VPS33A: variants seen among roughly 807,000 people sequenced by gnomAD.
VPS33A encodes vacuolar protein sorting-associated protein 33A.
Under a neutral mutation model 71.8 loss-of-function variants are expected in VPS33A, and 32 were observed. The observed-to-expected ratio is 0.45, with a 90% CI of 0.34 to 0.60. The LOEUF is 0.60. VPS33A is among the 20% of genes least tolerant of loss of function. VPS33A has a pLI of 0.02. For missense variants in VPS33A, 625 were observed against 748.5 expected (o/e 0.84, Z 1.92); for synonymous variants, 311 against 292.7 (o/e 1.06, Z -0.64).
chr12:122,264,166 A>G lies in VPS33A; in HGVS notation c.136T>C (p.Phe46Leu). ...AGTGAATACTGTGCAATCAGGCCAAAGGGTCCAGTTAGGTATTCATCCCAA... is the reference window on the plus strand; with the variant it reads ...AGTGAATACTGTGCAATCAGGCCAAGGGGTCCAGTTAGGTATTCATCCCAA... ...IVWDEYLTGP[F>L]GLIAQYSLLK... Residue 46 changes from phenylalanine to leucine, a missense_variant, in exon 2 of 13, where the codon TTT becomes CTT. Coordinates refer to ENST00000267199, the MANE Select transcript of VPS33A (RefSeq NM_022916.6). The G allele has an allele frequency of 6.4e-7, 1 of 1,562,826 alleles. No homozygotes were observed.
rs57522920 is a variant in VPS33A at position 122,238,770 on chromosome 12, TACACACACACAC to T, written c.1165-58_1165-47del. The T allele has an allele frequency of 2.7e-3, 2,338 of 872,750 alleles. 8 individuals carry two copies. Among genetic ancestry groups the T allele is most frequent in the African/African-American group, 0.02 (1,051 of 51,522 alleles). 54.1% of individuals were successfully genotyped at this position (872,750 alleles called of 1,614,324 possible). ...ATATACATATACATTTACATATACATACACACACACACACACACACACACACACACACACACA... is the reference window on the plus strand; with the variant it reads ...ATATACATATACATTTACATATACATACACACACACACACACACACACACA... On this transcript the variant is annotated intron_variant, in intron 9 of 12. Transcript: ENST00000267199.
At chr12:122,252,770 T>C (rs989414840) in intron 4 of VPS33A, 1 of 152,184 alleles carries the variant, frequency 6.6e-6, no homozygotes, top group Non-Finnish European at 1.5e-5. Flanking sequence ...TTTATTCATA[T>C]GTAGAAGGGA....
intron 11 of VPS33A, 55 bp downstream of exon 11, chr12:122,235,731 C>T: frequency 6.5e-7 from 1 of 1,541,384 alleles, no homozygotes; most frequent in South Asian, 1.3e-5. Flanking sequence ...TGTGTTGTCA[C>T]CTGGACGATC....
chr12:122,255,206 T>C (rs532895355), intron 4 of VPS33A, among the ~76,000 whole-genome samples: 64 of 152,208 alleles, frequency 4.2e-4, no homozygotes, highest in Non-Finnish European at 8.4e-4. Context: ...TATGGATTAA[T>C]TAAAAATGAG....
intron 9 of VPS33A, among the ~76,000 whole-genome samples, chr12:122,239,459 G>A (rs923572430): frequency 7.2e-5 from 11 of 152,008 alleles, no homozygotes; most frequent in African/African-American, 2.4e-4. Context: ...TAAGTGGCCG[G>A]GCGCAGTGAC....
intron 6 of VPS33A, among the ~76,000 whole-genome samples, chr12:122,245,639 T>C (rs1954767565): frequency 1.3e-5 from 2 of 152,250 alleles, no homozygotes; most frequent in East Asian, 1.9e-4. Context: ...AGAGACAGGG[T>C]TTCACCATGT....
At chr12:122,264,261 T>TA in intron 1 of VPS33A, 62 bp from the exon 2 acceptor site, 2 of 1,294,652 alleles carry the variant, frequency 1.5e-6, no homozygotes, top group East Asian at 2.4e-5. Flanking sequence ...ACAATACCAA[T>TA]AAAAAATAGC....
At chr12:122,263,987 A>G in intron 2 of VPS33A, 147 bp downstream of exon 2, 1 of 726,266 alleles carries the variant, frequency 1.4e-6, no homozygotes, top group East Asian at 2.6e-5. Flanking sequence ...CAATGGATAC[A>G]AAATGTTAAT....
chr12:122,249,627 T>C (rs1954818665), intron 6 of VPS33A: 1 of 328,600 alleles, frequency 3.0e-6, no homozygotes, highest in Non-Finnish European at 5.5e-6. Context: ...ACTGATCCTC[T>C]TTTTTGGAAT....
chr12:122,244,461 T>A lies in VPS33A; in HGVS notation c.969+108A>T, dbSNP rs755939164. 4 of 980,006 alleles carry A rather than the reference T, an allele frequency of 4.1e-6. No homozygotes were observed. The South Asian group carries it at 9.3e-5, about 23-fold the overall frequency. 60.7% of individuals were successfully genotyped at this position (980,006 alleles called of 1,614,324 possible). On this transcript the variant is annotated intron_variant, in intron 7 of 12. Transcript: ENST00000267199. ...GTTACTGAAGATGAGAAAAGTTGCATTGAAGCCTGGTTTAATGGCTACATA... is the reference window on the plus strand; with the variant it reads ...GTTACTGAAGATGAGAAAAGTTGCAATGAAGCCTGGTTTAATGGCTACATA...
intron 6 of VPS33A, among the ~76,000 whole-genome samples, chr12:122,247,521 A>G (rs1311489081): frequency 2.6e-5 from 4 of 152,212 alleles, no homozygotes; most frequent in Non-Finnish European, 5.9e-5. Flanking sequence ...AACAATAATA[A>G]TAAGACTTTT....
chr12:122,266,002 G>A (rs1042623434), intron 1 of VPS33A, among the ~76,000 whole-genome samples: 4 of 152,232 alleles, frequency 2.6e-5, no homozygotes, highest in African/African-American at 9.6e-5. Context: ...CACCCGTCCG[G>A]TGCCTCGGCA....
intron 3 of VPS33A, 92 bp downstream of exon 3, chr12:122,263,480 C>T (rs1173489646): frequency 4.9e-6 from 7 of 1,433,448 alleles, no homozygotes; most frequent in Admixed American, 2.3e-5. Flanking sequence ...CTTGCACTGG[C>T]AAGAGTGAGG....
At position 122,235,905 on chromosome 12, in the gene VPS33A, T is replaced by G. The variant is rs769066469; in HGVS notation, c.1321A>C (p.Ile441Leu). Residue 441 changes from isoleucine (I) to leucine (L), a missense_variant, in exon 11 of 13, where the codon ATA becomes CTA. By Grantham distance (5) the Ile-to-Leu change is conservative. Coordinates refer to ENST00000267199, the MANE Select transcript of VPS33A (RefSeq NM_022916.6). ...EILQTYGYEHILTLHNLEKAG... is the reference protein window; with the variant it reads ...EILQTYGYEHLLTLHNLEKAG... ...TTCTCCAGGTTGTGTAAGGTCAATA[T>G]GTGCTCATAGCCGTATGTCTGCAAG... 7.4e-6 allele frequency: 12 copies of G among 1,612,924 alleles called. No individual in the cohort carries two copies. The Admixed American group carries it at 1.8e-4, about 25-fold the overall frequency.
At chr12:122,236,035 C>G (rs146713161) in intron 10 of VPS33A, 112 bp from the exon 11 acceptor site, 1 of 1,353,668 alleles carries the variant, frequency 7.4e-7, no homozygotes, top group Non-Finnish European at 1.0e-6. Context: ...GGACATGTTA[C>G]CAAAGTCCAG....
chr12:122,256,744 G>A (rs1198073909), intron 4 of VPS33A, among the ~76,000 whole-genome samples: 1 of 152,108 alleles, frequency 6.6e-6, no homozygotes, highest in Non-Finnish European at 1.5e-5. Context: ...TGACAAAGGC[G>A]AACGCAGCCT....
At chr12:122,236,821 G>A (rs1168868997) in intron 10 of VPS33A, among the ~76,000 whole-genome samples, 1 of 152,160 alleles carries the variant, frequency 6.6e-6, no homozygotes, top group East Asian at 1.9e-4. Context: ...CACAGCTAGT[G>A]AAGAGCAGAG....
intron 5 of VPS33A, 53 bp downstream of exon 5, chr12:122,250,930 C>CT (rs1954834380): frequency 1.5e-6 from 2 of 1,343,450 alleles, no homozygotes; most frequent in South Asian, 2.4e-5. Context: ...TTCCTCCTCC[C>CT]TTTTGGGGTG....
Position 122,266,242 on chromosome 12 carries a change from G to A in VPS33A, c.102+65C>T, listed in dbSNP as rs561076046. On this transcript the variant is annotated intron_variant, in intron 1 of 12. Transcript: ENST00000267199. ...ATAAACCGCGAACTCAGGCGGTCAG[G>A]GAACGGATTAAACCAGGCCGGACCA... 16 of 1,577,466 alleles carry A rather than the reference G, an allele frequency of 1.0e-5. No individual in the cohort carries two copies. The South Asian group carries it at 1.7e-4, about 17-fold the overall frequency.
Sources: allele counts gnomAD v4.1 joint callset (sites outside exome capture counted in the v4.1 genomes callset), GRCh38; gene constraint gnomAD v4.1.1; transcripts MANE v1.5; gene names NCBI Gene and HGNC (gene_info 2026-07-23, HGNC 2026-07-21).